XYLT1: variants seen among roughly 807,000 people sequenced by gnomAD.
XYLT1 encodes xylosyltransferase 1, also known as beta-D-xylosyltransferase 1.
In XYLT1, 36 loss-of-function variants were observed where a neutral mutation model predicts 91.3. The observed-to-expected ratio is 0.39, with a 90% CI of 0.30 to 0.52. XYLT1 has a LOEUF of 0.52. XYLT1 is among the 20% of genes least tolerant of loss of function. The pLI, the probability that XYLT1 is intolerant of heterozygous loss-of-function variation, is 0.68. For synonymous variants in XYLT1, 588 were observed against 532.0 expected, an observed-to-expected ratio of 1.11 and a Z score of -1.45; for missense variants, 1,242 against 1,284.5, an observed-to-expected ratio of 0.97 and a Z score of 0.51.
intron 6 of XYLT1, among the ~76,000 whole-genome samples, chr16:17,146,663 A>AT (rs2031140812): frequency 6.6e-6 from 1 of 152,220 alleles, no homozygotes; most frequent in East Asian, 1.9e-4. Context: ...AATCCAGCCC[A>AT]TAAGCCATCG....
rs768596175 is a variant in XYLT1 at position 17,127,789 on chromosome 16, G to C, written c.2100C>G (p.Ile700Met). ...CAGCCAGATTGGTAGCATGATGCTT[G>C]ATCAGAAAGCCCTGGAAGCGGTCAG... is the stretch of plus-strand genomic sequence containing the variant. The part of the protein sequence containing the change: ...FLADRFQGFL[I>M]KHHATNLAVS... Residue 700 changes from isoleucine (I) to methionine (M), a missense_variant, in exon 10 of 12, where the codon ATC (isoleucine) becomes ATG (methionine). Coordinates refer to ENST00000261381, the MANE Select transcript of XYLT1 (RefSeq NM_022166.4). The C allele has an allele frequency of 2.5e-6, 4 of 1,614,154 alleles. No individual in the cohort carries two copies. The highest frequency in any genetic ancestry group is 2.2e-5 in the East Asian group (1 of 44,884).
intron 1 of XYLT1, among the ~76,000 whole-genome samples, chr16:17,374,651 AAAC>A (rs1159916065): frequency 9.9e-5 from 15 of 152,012 alleles, no homozygotes; most frequent in African/African-American, 3.1e-4. Context: ...AGAAAAAAAA[AAAC>A]AAGAGGTGAT....
At chr16:17,231,203 C>G (rs539224680) in intron 3 of XYLT1, among the ~76,000 whole-genome samples, 16 of 152,242 alleles carry the variant, frequency 1.1e-4, no homozygotes, top group Non-Finnish European at 7.3e-5. Flanking sequence ...TTTAATCCAC[C>G]ATTTCCTAAT....
At chr16:17,407,010 T>C (rs1027683893) in intron 1 of XYLT1, among the ~76,000 whole-genome samples, 2 of 152,150 alleles carry the variant, frequency 1.3e-5, no homozygotes, top group African/African-American at 2.4e-5. Flanking sequence ...TTTTTTAATT[T>C]AATTTTTTTG....
At chr16:17,435,013 C>A (rs1274356011) in intron 1 of XYLT1, among the ~76,000 whole-genome samples, 1 of 152,232 alleles carries the variant, frequency 6.6e-6, no homozygotes, top group Non-Finnish European at 1.5e-5. Flanking sequence ...ACTCATGGCA[C>A]ACACCTTAGT....
chr16:17,421,570 G>C (rs1394403787), intron 1 of XYLT1, among the ~76,000 whole-genome samples: 5 of 152,164 alleles, frequency 3.3e-5, no homozygotes, highest in Admixed American at 6.5e-5. Flanking sequence ...AGGCCATCCA[G>C]CTGTGAGACA....
intron 2 of XYLT1, among the ~76,000 whole-genome samples, chr16:17,268,619 C>G (rs1445641520): frequency 6.6e-6 from 1 of 151,122 alleles, no homozygotes; most frequent in Admixed American, 6.6e-5. Flanking sequence ...CTTCCATACA[C>G]AATACACACA....
chr16:17,332,575 C>G (rs865973335), intron 2 of XYLT1, among the ~76,000 whole-genome samples: 1 of 139,828 alleles, frequency 7.2e-6, no homozygotes, highest in African/African-American at 2.9e-5. Flanking sequence ...CATACACACA[C>G]ACACACACAC....
intron 1 of XYLT1, among the ~76,000 whole-genome samples, chr16:17,433,369 T>C (rs757882773): frequency 6.6e-6 from 1 of 152,178 alleles, no homozygotes; most frequent in Admixed American, 6.5e-5. Context: ...TCTTAAGAAA[T>C]GTTGAGCTAT....
chr16:17,193,490 AAGAG>A (rs1174091219), intron 5 of XYLT1: 1 of 152,370 alleles, frequency 6.6e-6, no homozygotes, highest in East Asian at 1.9e-4. Context: ...TTTAATATCT[AAGAG>A]AGGAAGAATC....
chr16:17,182,608 G>C lies in XYLT1; in HGVS notation c.1289+15604C>G, dbSNP rs181219113. ...ATTGCATGGCCTCTTCTACATCGTA[G>C]TGGAATGACTTGATGGTGTAGAATA... On this transcript the variant is annotated intron_variant, in intron 5 of 11. Coordinates refer to ENST00000261381, the MANE Select transcript of XYLT1 (RefSeq NM_022166.4). Among the ~76,000 whole-genome samples the C allele has an allele frequency of 2.0e-3, 303 of 149,566 alleles. 1 individual carries two copies. The highest frequency in any genetic ancestry group is 7.2e-3 in the African/African-American group (294 of 40,746).
chr16:17,419,172 G>A (rs1567196566), intron 1 of XYLT1, among the ~76,000 whole-genome samples: 1 of 151,300 alleles, frequency 6.6e-6, no homozygotes, highest in Non-Finnish European at 1.5e-5. Flanking sequence ...TTTGAGTATG[G>A]AATGACCTTG....
chr16:17,454,427 G>A (rs2036708230), intron 1 of XYLT1, among the ~76,000 whole-genome samples: 1 of 152,096 alleles, frequency 6.6e-6, no homozygotes, highest in Admixed American at 6.5e-5. Context: ...GGCCCATACA[G>A]TCTTTGTTGC....
intron 2 of XYLT1, among the ~76,000 whole-genome samples, chr16:17,261,362 G>A (rs1421538285): frequency 2.0e-5 from 3 of 151,676 alleles, no homozygotes; most frequent in African/African-American, 7.3e-5. Flanking sequence ...TGGCCATTCT[G>A]TAAGCTGAGT....
chr16:17,328,651 A>AT (rs1306559058), intron 2 of XYLT1, among the ~76,000 whole-genome samples: 4 of 147,640 alleles, frequency 2.7e-5, no homozygotes, highest in Non-Finnish European at 6.0e-5. Flanking sequence ...GCAGATTTTT[A>AT]TTTTTTAAAG....
chr16:17,416,021 G>C lies in XYLT1; in HGVS notation c.363+54413C>G, dbSNP rs563288211. 3.8e-3 allele frequency among the ~76,000 whole-genome samples: 583 copies of C among 152,336 alleles called. 3 individuals carry two copies. Among genetic ancestry groups the C allele is most frequent in the African/African-American group, 0.013 (561 of 41,574 alleles). ...CAGTATGGCAGTGACACAGTGACAAGAGAAAAGCAGGCAATGAGAGGAGAG... is the reference window on the plus strand; with the variant it reads ...CAGTATGGCAGTGACACAGTGACAACAGAAAAGCAGGCAATGAGAGGAGAG... On this transcript the variant is annotated intron_variant, in intron 1 of 11. Transcript: ENST00000261381.
chr16:17,367,813 T>C (rs1596506373), intron 1 of XYLT1, among the ~76,000 whole-genome samples: 1 of 152,312 alleles, frequency 6.6e-6, no homozygotes, highest in East Asian at 1.9e-4. Flanking sequence ...GTCCCTGACC[T>C]GAATCAAACC....
chr16:17,413,674 G>T (rs2036142425), intron 1 of XYLT1, among the ~76,000 whole-genome samples: 1 of 152,042 alleles, frequency 6.6e-6, no homozygotes, highest in African/African-American at 2.4e-5. Flanking sequence ...CTGGGCTTAA[G>T]CCATCCACCT....
At chr16:17,171,446 AC>A (rs1003128296) in intron 5 of XYLT1, among the ~76,000 whole-genome samples, 2 of 152,230 alleles carry the variant, frequency 1.3e-5, no homozygotes, top group Non-Finnish European at 2.9e-5. Flanking sequence ...CCATGGAAAA[AC>A]AAACACTGTG....
Sources: allele counts gnomAD v4.1 joint callset (sites outside exome capture counted in the v4.1 genomes callset), GRCh38; gene constraint gnomAD v4.1.1; transcripts MANE v1.5; gene names NCBI Gene and HGNC (gene_info 2026-07-23, HGNC 2026-07-21).